STS: variants seen among roughly 807,000 people sequenced by gnomAD.
STS encodes the protein steryl-sulfatase.
Under a neutral mutation model 26.8 loss-of-function variants are expected in STS, and 7 were observed. The ratio of observed to expected loss-of-function variants is 0.26; its 90% CI spans 0.15 to 0.49. The LOEUF (loss-of-function observed/expected upper bound fraction) is 0.49, where lower values mean the gene tolerates loss of function less well. STS is among the 20% of genes least tolerant of loss of function. The probability of loss-of-function intolerance (pLI) is 0.98; values close to 1 mark genes in which losing one functional copy is unlikely to be tolerated. For synonymous variants in STS, 199 were observed against 189.4 expected, an observed-to-expected ratio of 1.05 and a Z score of -0.42; for missense variants, 434 against 465.6, an observed-to-expected ratio of 0.93 and a Z score of 0.63.
At chrX:7,239,045 A>G (rs1255880708) in intron 2 of STS, among the ~76,000 whole-genome samples, 1 of 111,364 alleles carries the variant, frequency 9.0e-6, no homozygotes. Context: ...GAATTCAACT[A>G]TACTAGGTAT....
chrX:7,334,949 A>G (rs1479213237), intron 10 of STS, among the ~76,000 whole-genome samples: 1 of 112,195 alleles, frequency 8.9e-6, no homozygotes, highest in Non-Finnish European at 1.9e-5. Flanking sequence ...GTTGATTTTT[A>G]TGGCTGCATA....
chrX:7,318,687 C>T (rs1257503913), intron 8 of STS, among the ~76,000 whole-genome samples: 5 of 110,885 alleles, frequency 4.5e-5, no homozygotes, highest in Non-Finnish European at 3.8e-5. Context: ...GAGCGTTTCT[C>T]GGGTGTGACA....
chrX:7,220,665 C>T (rs1339773093), intron 2 of STS, among the ~76,000 whole-genome samples: 1 of 106,493 alleles, frequency 9.4e-6, no homozygotes, highest in Non-Finnish European at 1.9e-5. Context: ...TCTCCTGCCT[C>T]AGCCTCCCGA....
At chrX:7,195,109 CA>C (rs1293800693) in intron 2 of STS, among the ~76,000 whole-genome samples, 1 of 112,286 alleles carries the variant, frequency 8.9e-6, no homozygotes, top group Admixed American at 9.4e-5. Flanking sequence ...TTATGTAGTA[CA>C]TGACTATATT....
At chrX:7,187,616 A>G (rs1933797627) in intron 1 of STS, among the ~76,000 whole-genome samples, 1 of 111,894 alleles carries the variant, frequency 8.9e-6, no homozygotes, top group Non-Finnish European at 1.9e-5. Context: ...TCTTTTTGAC[A>G]TTTTCACAGT....
chrX:7,322,636 G>C (rs1927094913), intron 8 of STS, among the ~76,000 whole-genome samples: 1 of 111,952 alleles, frequency 8.9e-6, no homozygotes, highest in African/African-American at 3.2e-5. Flanking sequence ...GCTGACCTCA[G>C]GTGATCCACC....
intron 8 of STS, among the ~76,000 whole-genome samples, chrX:7,324,820 C>G (rs185819789): frequency 3.6e-5 from 4 of 111,667 alleles, no homozygotes; most frequent in Non-Finnish European, 5.6e-5. Flanking sequence ...GTTTACAACC[C>G]TATGATTATA....
chrX:7,230,231 G>A (rs1175827120), intron 2 of STS, among the ~76,000 whole-genome samples: 1 of 111,042 alleles, frequency 9.0e-6, no homozygotes, highest in Non-Finnish European at 1.9e-5. Flanking sequence ...GATTTTAATT[G>A]GAAGCCTCAT....
chrX:7,325,269 G>C lies in STS; in HGVS notation c.1082-70G>C, dbSNP rs192042005. On this transcript the variant is annotated intron_variant, in intron 8 of 10. Transcript: ENST00000674429. Reference sequence around the variant, plus strand: ...GTTCTTCTACATTGAGCACGAAAGAGTCCATTGAAGTGAGCATTGAAAGGA... The same window carrying C: ...GTTCTTCTACATTGAGCACGAAAGACTCCATTGAAGTGAGCATTGAAAGGA... The C allele has an allele frequency of 1.1e-4, 117 of 1,105,018 alleles. No individual in the cohort carries two copies. The African/African-American group carries it at 1.5e-3, about 14-fold the overall frequency. The allele number at this position is 1,105,018 out of a possible 1,213,427, so 91.1% of individuals were successfully genotyped here. A position where few individuals can be genotyped will look rare whatever the true frequency, so the allele number is the denominator to read the frequency against.
intron 10 of STS, among the ~76,000 whole-genome samples, chrX:7,343,640 A>G (rs968167259): frequency 9.0e-6 from 1 of 111,685 alleles, no homozygotes; most frequent in African/African-American, 3.3e-5. Context: ...GGTTGAACCT[A>G]AACTATTGAT....
intron 8 of STS, among the ~76,000 whole-genome samples, chrX:7,323,582 C>G (rs1927175409): frequency 8.9e-6 from 1 of 111,763 alleles, no homozygotes; most frequent in Non-Finnish European, 1.9e-5. Context: ...GTGTAGTATT[C>G]CATGATGTAT....
At chrX:7,325,790 G>C (rs1178747332) in intron 9 of STS, among the ~76,000 whole-genome samples, 2 of 112,207 alleles carry the variant, frequency 1.8e-5, no homozygotes, top group African/African-American at 6.5e-5. Context: ...TGGAGGGAAA[G>C]GTCTGACCTC....
At chrX:7,324,243 G>C (rs1252925237) in intron 8 of STS, among the ~76,000 whole-genome samples, 1 of 110,902 alleles carries the variant, frequency 9.0e-6, no homozygotes, top group East Asian at 2.8e-4. Context: ...TGAAAGAGTT[G>C]ATTTAAAGAC....
intron 7 of STS, among the ~76,000 whole-genome samples, chrX:7,278,612 C>T (rs1924654042): frequency 1.8e-5 from 2 of 112,361 alleles, no homozygotes; most frequent in East Asian, 2.8e-4. Flanking sequence ...TGCTGTGTCT[C>T]ATATTGTTAT....
At chrX:7,313,032 T>C (rs1341276142) in intron 8 of STS, among the ~76,000 whole-genome samples, 1 of 111,948 alleles carries the variant, frequency 8.9e-6, no homozygotes, top group African/African-American at 3.2e-5. Context: ...GTTAAACTCA[T>C]ATGTCTGGCT....
chrX:7,203,777 A>AAT (rs199828183), intron 2 of STS, among the ~76,000 whole-genome samples: 37 of 108,202 alleles, frequency 3.4e-4, no homozygotes, highest in Middle Eastern at 9.4e-3. Flanking sequence ...TCCATATGCA[A>AAT]ATATATATAT....
At position 7,305,166 on chromosome X, in the gene STS, G is replaced by A; in HGVS notation, c.1064G>A (p.Ser355Asn). 1 of 1,210,912 alleles carries A rather than the reference G, an allele frequency of 8.3e-7. No individual in the cohort carries two copies. Among genetic ancestry groups the A allele is most frequent in the Non-Finnish European group, 1.1e-6 (1 of 894,872 alleles). Residue 355 changes from serine (S) to asparagine (N), a missense_variant, in exon 8 of 11, where the codon AGT (serine) becomes AAT (asparagine). By Grantham distance (46) the Ser-to-Asn change is conservative. This residue lies in a region of STS where 229 missense variants were observed against 288.3 expected (regional missense o/e 0.79). Transcript: ENST00000674429. ...TCCAAAGGAGAAATTCATGGCGGAAGTAATGGGATCTATAAAGGTGAGAAA... is the reference window on the plus strand; with the variant it reads ...TCCAAAGGAGAAATTCATGGCGGAAATAATGGGATCTATAAAGGTGAGAAA... ...VSSKGEIHGG[S>N]NGIYKGGKAN...
chrX:7,319,968 T>TTA (rs1230585250), intron 8 of STS, among the ~76,000 whole-genome samples: 8 of 87,558 alleles, frequency 9.1e-5, no homozygotes, highest in Middle Eastern at 5.2e-3. Flanking sequence ...TATATATATT[T>TTA]TATATATATG....
intron 2 of STS, among the ~76,000 whole-genome samples, chrX:7,199,977 C>G (rs1176000909): frequency 9.1e-6 from 1 of 109,996 alleles, no homozygotes; most frequent in Non-Finnish European, 1.9e-5. Context: ...AACACTGAAC[C>G]TAATAATGAT....
Sources: allele counts gnomAD v4.1 joint callset (sites outside exome capture counted in the v4.1 genomes callset), GRCh38; gene constraint gnomAD v4.1.1; regional missense constraint gnomAD v4.1.1; transcripts MANE v1.5; gene names NCBI Gene and HGNC (gene_info 2026-07-23, HGNC 2026-07-21).